DAPK2: variants seen among roughly 807,000 people sequenced by gnomAD.
DAPK2 encodes the protein death-associated protein kinase 2.
In DAPK2, 35 loss-of-function variants were observed where a neutral mutation model predicts 44.1. That is an observed-to-expected ratio of 0.79 (90% CI 0.61 to 1.05). DAPK2 has a LOEUF of 1.05. Ranked by LOEUF, DAPK2 falls within the 50% of genes least tolerant of loss-of-function variation. The pLI, the probability that DAPK2 is intolerant of heterozygous loss-of-function variation, is 0.00. For missense variants in DAPK2, 453 were observed against 483.2 expected, an observed-to-expected ratio of 0.94 and a Z score of 0.59; for synonymous variants, 174 against 182.6, an observed-to-expected ratio of 0.95 and a Z score of 0.38.
chr15:63,992,302 G>A (rs2078841407), intron 1 of DAPK2, among the ~76,000 whole-genome samples: 1 of 152,070 alleles, frequency 6.6e-6, no homozygotes, highest in South Asian at 2.1e-4. Flanking sequence ...CACTAAACAT[G>A]ATGTAGGTTA....
intron 3 of DAPK2, among the ~76,000 whole-genome samples, chr15:63,957,914 T>C (rs1406480188): frequency 1.3e-5 from 2 of 152,150 alleles, no homozygotes; most frequent in Admixed American, 1.3e-4. Context: ...TAGTTCTAGA[T>C]CCATGAGGAA....
At position 63,967,321 on chromosome 15, in the gene DAPK2, T is replaced by C. The variant is rs1003342536; in HGVS notation, c.453+4102A>G. 2.0e-5 allele frequency among the ~76,000 whole-genome samples: 3 copies of C among 152,212 alleles called. No homozygotes were observed. The South Asian group carries it at 6.2e-4, about 32-fold the overall frequency. ...TTTGGTGTTCTTGCAGGGAGGGTGA[T>C]CAGTGAAGGCTTCTATTCGGTCATC... On this transcript the variant is annotated intron_variant, in intron 3 of 10. Transcript: ENST00000261891.
chr15:63,937,067 A>G (rs1567217629), intron 4 of DAPK2, among the ~76,000 whole-genome samples: 1 of 151,960 alleles, frequency 6.6e-6, no homozygotes, highest in Non-Finnish European at 1.5e-5. Context: ...GCTGACACTA[A>G]TTTTTTAACC....
At chr15:63,935,342 C>T (rs1430069735) in intron 4 of DAPK2, among the ~76,000 whole-genome samples, 1 of 152,024 alleles carries the variant, frequency 6.6e-6, no homozygotes, top group Non-Finnish European at 1.5e-5. Context: ...CCACCCACCT[C>T]GGCCTCCCAA....
At chr15:63,969,469 T>C (rs879318023) in intron 3 of DAPK2, among the ~76,000 whole-genome samples, 61 of 151,476 alleles carry the variant, frequency 4.0e-4, no homozygotes, top group Admixed American at 1.3e-3. Context: ...CCAGACGCAG[T>C]GGCTCATGCC....
chr15:64,003,044 T>G (rs529510146), intron 1 of DAPK2, among the ~76,000 whole-genome samples: 1 of 139,438 alleles, frequency 7.2e-6, no homozygotes, highest in Non-Finnish European at 1.5e-5. Flanking sequence ...GGGGTAGTGT[T>G]AAGACTGACT....
intron 1 of DAPK2, among the ~76,000 whole-genome samples, chr15:64,001,788 G>A (rs1322798025): frequency 6.6e-6 from 1 of 152,180 alleles, no homozygotes; most frequent in Non-Finnish European, 1.5e-5. Flanking sequence ...ACTCCCAGGT[G>A]ATCCACATAC....
chr15:64,027,384 A>T (rs574286558), intron 1 of DAPK2, among the ~76,000 whole-genome samples: 15 of 151,582 alleles, frequency 9.9e-5, no homozygotes, highest in Non-Finnish European at 2.2e-4. Flanking sequence ...ACTCTGTCTC[A>T]AAACAAAAAA....
intron 1 of DAPK2, among the ~76,000 whole-genome samples, chr15:64,023,794 G>A (rs909594863): frequency 3.3e-5 from 5 of 152,146 alleles, no homozygotes; most frequent in African/African-American, 4.8e-5. Context: ...TTACATCTGT[G>A]GCAGGAATGG....
chr15:63,942,121 G>A, intron 3 of DAPK2: 1 of 763,328 alleles, frequency 1.3e-6, no homozygotes, highest in Non-Finnish European at 1.6e-6. Context: ...GTGATCCCCA[G>A]GACTATGGAG....
At chr15:63,909,558 T>A (rs1170786026) in intron 10 of DAPK2, 1 of 152,192 alleles carries the variant, frequency 6.6e-6, no homozygotes, top group Non-Finnish European at 1.5e-5. Flanking sequence ...TCCCAGCACT[T>A]TGGGAGGCCG....
chr15:63,996,837 G>A (rs759488662), intron 1 of DAPK2, among the ~76,000 whole-genome samples: 1 of 152,124 alleles, frequency 6.6e-6, no homozygotes, highest in Non-Finnish European at 1.5e-5. Context: ...TCATTGTAGA[G>A]CAAAAAGCAT....
intron 1 of DAPK2, among the ~76,000 whole-genome samples, chr15:64,017,325 C>T (rs1399654059): frequency 6.6e-6 from 1 of 152,200 alleles, no homozygotes; most frequent in Non-Finnish European, 1.5e-5. Context: ...ACCCTGCTGC[C>T]TCACAGGGCA....
rs534735323 is a variant in DAPK2, at chr15:63,926,335, C to T, written c.660-242G>A. ...ATTGTGTCTTCAACGGACTCAAAAG[C>T]GGAGGGGAGAGAAACACAGAGACAT... On this transcript the variant is annotated intron_variant, in intron 6 of 10. Transcript: ENST00000261891. The T allele has an allele frequency of 1.7e-4, 69 of 412,232 alleles. No homozygotes were observed. In the South Asian group the frequency reaches 2.0e-3, roughly 12 times the overall value. The allele number at this position is 412,232 out of a possible 1,614,324, so 25.5% of individuals were successfully genotyped here.
chr15:63,988,758 A>C (rs990486982), intron 1 of DAPK2, among the ~76,000 whole-genome samples: 6 of 151,910 alleles, frequency 3.9e-5, no homozygotes. Flanking sequence ...TGCCTGCCTC[A>C]GCCTCCCAAA....
At chr15:64,033,192 CG>C (rs1295008427) in intron 1 of DAPK2, among the ~76,000 whole-genome samples, 1 of 146,570 alleles carries the variant, frequency 6.8e-6, no homozygotes, top group Non-Finnish European at 1.5e-5. Flanking sequence ...CCCAGGAGGT[CG>C]AGGCTGCAAT....
At chr15:63,942,481 G>GGT (rs1308636125) in intron 3 of DAPK2, among the ~76,000 whole-genome samples, 1 of 152,086 alleles carries the variant, frequency 6.6e-6, no homozygotes, top group Non-Finnish European at 1.5e-5. Flanking sequence ...GAACCGGGGA[G>GGT]GTGGAGGCTG....
At chr15:63,920,769 C>G (rs2079050619) in intron 8 of DAPK2, 1 of 152,332 alleles carries the variant, frequency 6.6e-6, no homozygotes, top group South Asian at 2.1e-4. Flanking sequence ...TCCACATGGC[C>G]AAAGCCCTGC....
Position 63,939,433 on chromosome 15 carries a change from G to A in DAPK2, c.454-72C>T. The A allele has an allele frequency of 6.8e-7, 1 of 1,480,164 alleles. No individual in the cohort carries two copies. The highest frequency in any genetic ancestry group is 2.4e-5 in the East Asian group (1 of 42,224). The allele number at this position is 1,480,164 out of a possible 1,614,324, so 91.7% of individuals were successfully genotyped here. On this transcript the variant is annotated intron_variant, in intron 3 of 10. Transcript: ENST00000261891. The surrounding 1 kb of genome is among the most constrained non-coding windows in gnomAD (Gnocchi z 4.3). ...AAAAAAAGACGGTAATTAAAGGCTGGTTGGTTCGTGTTTTGGCTTTGGGGT... is the reference window on the plus strand; with the variant it reads ...AAAAAAAGACGGTAATTAAAGGCTGATTGGTTCGTGTTTTGGCTTTGGGGT...
Sources: gnomAD v4.1 joint callset for allele counts (sites outside exome capture counted in the v4.1 genomes callset) on GRCh38, gnomAD v4.1.1 for gene constraint, Gnocchi (gnomAD v3.1) non-coding constraint, MANE v1.5 for transcripts, NCBI Gene and HGNC (gene_info 2026-07-23, HGNC 2026-07-21) for gene names.